The following USF3 variants were observed in gnomAD, a reference collection of about 807,000 sequenced individuals.
The protein encoded by USF3 is basic helix-loop-helix domain-containing protein USF3.
In USF3, 29 loss-of-function variants were observed where a neutral mutation model predicts 157.5. The ratio of observed to expected loss-of-function variants is 0.18; its 90% CI spans 0.14 to 0.25. USF3 has a LOEUF of 0.25. Ranked by LOEUF, USF3 falls within the 10% of genes least tolerant of loss-of-function variation. The pLI is 1.00. For synonymous variants in USF3, 893 were observed against 941.4 expected, an observed-to-expected ratio of 0.95 and a Z score of 0.94; for missense variants, 2,381 against 2,667.6, an observed-to-expected ratio of 0.89 and a Z score of 2.37.
chr3:113,669,828 T>C (rs1553699946), intron 5 of USF3, among the ~76,000 whole-genome samples: 1 of 151,960 alleles, frequency 6.6e-6, no homozygotes, highest in South Asian at 2.1e-4. Flanking sequence ...GAAAACAAAA[T>C]GAAAAAATGC....
chr3:113,680,058 T>TTTC, intron 1 of USF3, among the ~76,000 whole-genome samples: 1 of 143,444 alleles, frequency 7.0e-6, no homozygotes, highest in African/African-American at 2.6e-5. Flanking sequence ...GTTTTCTTTT[T>TTTC]TTTTTTTTTT....
chr3:113,686,854 G>A (rs778899621), intron 1 of USF3, among the ~76,000 whole-genome samples: 10 of 151,986 alleles, frequency 6.6e-5, no homozygotes, highest in African/African-American at 9.7e-5. Context: ...AAGAAGTTGT[G>A]AAAAGAAGTA....
chr3:113,679,044 A>G (rs1351011598), intron 1 of USF3, among the ~76,000 whole-genome samples: 2 of 104,480 alleles, frequency 1.9e-5, no homozygotes, highest in Non-Finnish European at 2.2e-5. Flanking sequence ...TCTCTCTCCA[A>G]CTCCTGGCCT....
In USF3 at chr3:113,653,064, GA is replaced by G; in HGVS notation, c.*1879del. 1 of 318,090 alleles carries G rather than the reference GA, an allele frequency of 3.1e-6. No homozygotes were observed. 19.7% of individuals were successfully genotyped at this position (318,090 alleles called of 1,614,324 possible). A position where few individuals can be genotyped will look rare whatever the true frequency, so the allele number is the denominator to read the frequency against. On this transcript the variant is annotated 3_prime_UTR_variant, in exon 7 of 7. Coordinates refer to ENST00000316407, the MANE Select transcript of USF3 (RefSeq NM_001009899.4). ...GGGTGACAGAGTCTCAAAAAAAAAA[GA>G]AAAGAAGAAAGAAAAGAAAAGCTGG...
intron 4 of USF3, among the ~76,000 whole-genome samples, chr3:113,673,016 C>T (rs1047411636): frequency 1.3e-5 from 2 of 152,134 alleles, no homozygotes; most frequent in African/African-American, 4.8e-5. Context: ...CCAGCCCCCT[C>T]GGGAATTGCT....
At chr3:113,688,822 C>T (rs908483435) in intron 1 of USF3, among the ~76,000 whole-genome samples, 8 of 152,114 alleles carry the variant, frequency 5.3e-5, no homozygotes, top group South Asian at 4.2e-4. Context: ...GGGTGGATCA[C>T]GAGGTCAGGA....
rs960862285 is a variant in USF3 at position 113,664,174 on chromosome 3, T to A, written c.256+139A>T. 172 of 572,596 alleles carry A rather than the reference T, an allele frequency of 3.0e-4. 1 individual carries two copies. Among genetic ancestry groups the A allele is most frequent in the Middle Eastern group, 4.7e-4 (1 of 2,138 alleles). The allele number at this position is 572,596 out of a possible 1,614,324, so 35.5% of individuals were successfully genotyped here. ...AATGAATTTATTGGTAACATTATTC[T>A]TCCAGACCCACTGAATGCAGGGTCT... is the stretch of plus-strand genomic sequence containing the variant. On this transcript the variant is annotated intron_variant, in intron 6 of 6. Transcript: ENST00000316407.
At position 113,664,404 on chromosome 3, in the gene USF3, CT is replaced by C; in HGVS notation, c.164del (p.Lys55ArgfsTer3). 1 of 1,585,626 alleles carries C rather than the reference CT, an allele frequency of 6.3e-7. No individual in the cohort carries two copies. The highest frequency in any genetic ancestry group is 8.6e-7 in the Non-Finnish European group (1 of 1,165,070). On this transcript the variant is annotated frameshift_variant, in exon 6 of 7. Coordinates refer to ENST00000316407, the MANE Select transcript of USF3 (RefSeq NM_001009899.4). LOFTEE classifies it high-confidence loss of function. ...IPCSPALKQS[K>X]NMILDQAFKY... ...TAAAGGCTTGGTCCAGGATCATATT[CT>C]TGCTCTGTCCAAGAAAATTTTAAAA...
Position 113,681,325 on chromosome 3 carries a change from A to T in USF3, c.-134-3928T>A, listed in dbSNP as rs571425760. Among the ~76,000 whole-genome samples, 3 of 151,606 alleles carry T rather than the reference A, an allele frequency of 2.0e-5. No individual in the cohort carries two copies. In the East Asian group the frequency reaches 5.8e-4, roughly 29 times the overall value. ...ATGTGGGTGCTTTCCTCTTATTACC[A>T]CTTTTGCTATATCCCATAGTGTTTT... is the stretch of plus-strand genomic sequence containing the variant. On this transcript the variant is annotated intron_variant, in intron 1 of 6. Coordinates refer to ENST00000316407, the MANE Select transcript of USF3 (RefSeq NM_001009899.4).
chr3:113,685,237 A>G (rs1577052163), intron 1 of USF3, among the ~76,000 whole-genome samples: 2 of 151,840 alleles, frequency 1.3e-5, no homozygotes, highest in East Asian at 3.9e-4. Context: ...AGCTGCCCGG[A>G]GTTGGGGATG....
At chr3:113,688,313 T>C (rs1019853104) in intron 1 of USF3, among the ~76,000 whole-genome samples, 3 of 152,142 alleles carry the variant, frequency 2.0e-5, no homozygotes, top group Non-Finnish European at 4.4e-5. Context: ...AGAGATGGGG[T>C]TTCCCCATGT....
chr3:113,676,943 G>A (rs753043360), intron 2 of USF3, among the ~76,000 whole-genome samples: 3 of 152,166 alleles, frequency 2.0e-5, no homozygotes, highest in Non-Finnish European at 2.9e-5. Context: ...ACAAGACCAC[G>A]TTACCTAGTA....
At chr3:113,663,360 T>G (rs1232861986) in intron 6 of USF3, among the ~76,000 whole-genome samples, 1 of 152,258 alleles carries the variant, frequency 6.6e-6, no homozygotes, top group Non-Finnish European at 1.5e-5. Flanking sequence ...ACATCCCTTC[T>G]GTGGAGTACC....
In USF3 at chr3:113,649,554, G is replaced by A; in HGVS notation, c.*5390C>T. 1 of 352,562 alleles carries A rather than the reference G, an allele frequency of 2.8e-6. No individual in the cohort carries two copies. The highest frequency in any genetic ancestry group is 5.1e-6 in the Non-Finnish European group (1 of 197,554). The allele number at this position is 352,562 out of a possible 1,614,324, so 21.8% of individuals were successfully genotyped here. On this transcript the variant is annotated 3_prime_UTR_variant, in exon 7 of 7. Transcript: ENST00000316407. Reference sequence around the variant, plus strand: ...AAATCAACATCAAAGATGGCTCAGAGAATGGTAAGGCAACAGTGAGAAACA... The same window carrying A: ...AAATCAACATCAAAGATGGCTCAGAAAATGGTAAGGCAACAGTGAGAAACA...
At position 113,657,661 on chromosome 3, in the gene USF3, C is replaced by T. The variant is rs779338446; in HGVS notation, c.4021G>A (p.Ala1341Thr). Residue 1341 changes from alanine to threonine, a missense_variant, in exon 7 of 7, where the codon GCT (alanine) becomes ACT (threonine). By Grantham distance (58) the Ala-to-Thr change is moderately conservative (BLOSUM62 0). Around this residue, in one of 6 missense-constraint regions of USF3, gnomAD observed 1,435 missense variants for 1,550.9 expected, o/e 0.93. Coordinates refer to ENST00000316407, the MANE Select transcript of USF3 (RefSeq NM_001009899.4). ...GGCTGACAGTGCTTTTGACGTTTAG[C>T]TGAAGACAGTAAAAGGTCATCTTGG... ...AVQDDLLLSS[A>T]KRQKHCQPAP... 1.9e-6 allele frequency: 3 copies of T among 1,614,052 alleles called. No homozygotes were observed. In the Admixed American group the frequency reaches 5.0e-5, roughly 27 times the overall value.
In USF3 at chr3:113,654,110, C is replaced by T. The variant is rs1195140331; in HGVS notation, c.*834G>A. 1 of 152,550 alleles carries T rather than the reference C, an allele frequency of 6.6e-6. No individual in the cohort carries two copies. The highest frequency in any genetic ancestry group is 1.9e-4 in the East Asian group (1 of 5,204). 9.4% of individuals were successfully genotyped at this position (152,550 alleles called of 1,614,324 possible). On this transcript the variant is annotated 3_prime_UTR_variant, in exon 7 of 7. Transcript: ENST00000316407. Reference sequence around the variant, plus strand: ...AATTAAACTCAGCTGATGAAACATCCATTGTTAACTGCACCCATGCAAAAC... The same window carrying T: ...AATTAAACTCAGCTGATGAAACATCTATTGTTAACTGCACCCATGCAAAAC...
chr3:113,661,502 C>A, intron 6 of USF3, 77 bp from the exon 7 acceptor site: 1 of 780,010 alleles, frequency 1.3e-6, no homozygotes, highest in South Asian at 2.1e-5. Context: ...GAACTGTATA[C>A]TAAACTACTG....
At chr3:113,671,962 G>T (rs1350094669) in intron 4 of USF3, among the ~76,000 whole-genome samples, 1 of 150,770 alleles carries the variant, frequency 6.6e-6, no homozygotes, top group Non-Finnish European at 1.5e-5. Flanking sequence ...GTAGAGGCGG[G>T]GTCTCCCTAT....
chr3:113,689,284 CATG>C (rs1707632591), intron 1 of USF3, among the ~76,000 whole-genome samples: 1 of 152,182 alleles, frequency 6.6e-6, no homozygotes, highest in Non-Finnish European at 1.5e-5. Flanking sequence ...TACAAGTTTA[CATG>C]ATGATACATT....
Sources: gnomAD v4.1 joint callset for allele counts (sites outside exome capture counted in the v4.1 genomes callset) on GRCh38, gnomAD v4.1.1 for gene constraint, gnomAD v4.1.1 regional missense constraint, MANE v1.5 for transcripts, NCBI Gene and HGNC (gene_info 2026-07-23, HGNC 2026-07-21) for gene names.